The following CLGN variants were observed in gnomAD, a reference collection of about 807,000 sequenced individuals.
CLGN encodes the protein testis tissue sperm-binding protein Li 79P.
CLGN carries 62 observed loss-of-function variants against 79.1 expected under a neutral mutation model. The observed-to-expected ratio is 0.78, with a 90% CI of 0.64 to 0.97. CLGN has a LOEUF of 0.97. Ranked by LOEUF, CLGN falls within the 50% of genes least tolerant of loss-of-function variation. The pLI is 0.00. For synonymous variants in CLGN, 225 were observed against 224.7 expected, an observed-to-expected ratio of 1.00 and a Z score of -0.01; for missense variants, 647 against 715.5, an observed-to-expected ratio of 0.90 and a Z score of 1.09.
rs779886406 is a variant in CLGN at position 140,388,969 on chromosome 4, G to A, written c.*255C>T. On this transcript the variant is annotated 3_prime_UTR_variant, in exon 15 of 15. Transcript: ENST00000325617. The stretch of plus-strand genomic sequence containing the variant: ...AAACTATCTCCAAACAACTAAAACT[G>A]TGTAACTTCTAATGGTATTAATCTC... 2.5e-6 allele frequency: 1 copy of A among 403,518 alleles called. No individual in the cohort carries two copies. The highest frequency in any genetic ancestry group is 2.0e-5 in the African/African-American group (1 of 49,502). 25.0% of individuals were successfully genotyped at this position (403,518 alleles called of 1,614,324 possible). A position where few individuals can be genotyped will look rare whatever the true frequency, so the allele number is the denominator to read the frequency against.
intron 11 of CLGN, 73 bp from the exon 12 acceptor site, chr4:140,392,784 A>C (rs1285225889): frequency 3.6e-6 from 5 of 1,394,630 alleles, no homozygotes; most frequent in Non-Finnish European, 4.7e-6. Context: ...AGATACAAAA[A>C]AACTTATTTA....
chr4:140,393,819 A>G lies in CLGN; in HGVS notation c.1365+7T>C, dbSNP rs747092384. ...TATATCACTACTGCTATTGGTCAAC[A>G]CCATACCTTATTAGCATTTGCTATC... On this transcript the variant is annotated splice_region_variant and intron_variant, in intron 11 of 14. Coordinates refer to ENST00000325617, the MANE Select transcript of CLGN (RefSeq NM_004362.3). 4 of 1,612,404 alleles carry G rather than the reference A, an allele frequency of 2.5e-6. No individual in the cohort carries two copies. Among genetic ancestry groups the G allele is most frequent in the East Asian group, 2.2e-5 (1 of 44,816 alleles).
At chr4:140,422,071 TA>T (rs1035955950) in intron 1 of CLGN, among the ~76,000 whole-genome samples, 1 of 152,080 alleles carries the variant, frequency 6.6e-6, no homozygotes, top group African/African-American at 2.4e-5. Flanking sequence ...GGCACTTTTA[TA>T]AAAAAAATTT....
intron 5 of CLGN, among the ~76,000 whole-genome samples, chr4:140,404,552 T>C (rs1729062550): frequency 6.6e-6 from 1 of 152,230 alleles, no homozygotes; most frequent in South Asian, 2.1e-4. Flanking sequence ...ATTTACCCCA[T>C]TTCATTTTAT....
chr4:140,421,831 T>C (rs941749300), intron 1 of CLGN, among the ~76,000 whole-genome samples: 1 of 152,146 alleles, frequency 6.6e-6, no homozygotes, highest in African/African-American at 2.4e-5. Flanking sequence ...TTTTGTTGTC[T>C]GTGCTTTTGG....
At chr4:140,407,209 G>A (rs116418188) in intron 4 of CLGN, among the ~76,000 whole-genome samples, 2,075 of 151,900 alleles carry the variant, frequency 0.014, 18 homozygotes, top group South Asian at 0.04. Flanking sequence ...TAATGTACTT[G>A]GTTTTCTTTC....
intron 6 of CLGN, 123 bp downstream of exon 6, chr4:140,401,862 G>C: frequency 1.7e-6 from 1 of 585,630 alleles, no homozygotes; most frequent in Admixed American, 3.8e-5. Context: ...AATTCACATT[G>C]AAAAAAGATA....
intron 13 of CLGN, among the ~76,000 whole-genome samples, chr4:140,391,031 T>G (rs1728761957): frequency 6.6e-6 from 1 of 151,726 alleles, no homozygotes; most frequent in Non-Finnish European, 1.5e-5. Flanking sequence ...AATACTTCCT[T>G]TAATTTTTGG....
intron 7 of CLGN, 106 bp from the exon 8 acceptor site, chr4:140,399,146 T>TC: frequency 2.3e-6 from 2 of 852,264 alleles, no homozygotes; most frequent in South Asian, 2.6e-5. Context: ...AAAGCTTTTT[T>TC]CCCAACCAGA....
chr4:140,424,854 A>G (rs1729532502), intron 1 of CLGN, among the ~76,000 whole-genome samples: 1 of 152,230 alleles, frequency 6.6e-6, no homozygotes, highest in African/African-American at 2.4e-5. Context: ...TCAATAACAA[A>G]TTGAAGCACA....
chr4:140,392,692 A>G lies in CLGN; in HGVS notation c.1385T>C (p.Leu462Ser), dbSNP rs1244055995. ...NANKPGVLKQ[L>S]MAAAEGHPWL... The stretch of plus-strand genomic sequence containing the variant: ...TGGGTGCCCTTCAGCAGCTGCCATT[A>G]ACTGTTTTAATACACCAGGCTATAG... Residue 462 changes from leucine to serine, a missense_variant, in exon 12 of 15, where the codon TTA (leucine) becomes TCA (serine). By Grantham distance (145) the Leu-to-Ser change is moderately radical. Coordinates refer to ENST00000325617, the MANE Select transcript of CLGN (RefSeq NM_004362.3). 2 of 1,604,870 alleles carry G rather than the reference A, an allele frequency of 1.2e-6. No individual in the cohort carries two copies. The highest frequency in any genetic ancestry group is 3.5e-5 in the Admixed American group (2 of 57,612).
Position 140,392,683 on chromosome 4 carries a change from G to T in CLGN, c.1394C>A (p.Ala465Asp). Residue 465 changes from alanine to aspartate, a missense_variant, in exon 12 of 15, where the codon GCT (alanine) becomes GAT (aspartate). Coordinates refer to ENST00000325617, the MANE Select transcript of CLGN (RefSeq NM_004362.3). ...CCAAAGCCATGGGTGCCCTTCAGCAGCTGCCATTAACTGTTTTAATACACC... is the reference window on the plus strand; with the variant it reads ...CCAAAGCCATGGGTGCCCTTCAGCATCTGCCATTAACTGTTTTAATACACC... ...KPGVLKQLMAAAEGHPWLWLI... is the reference protein window; with the variant it reads ...KPGVLKQLMADAEGHPWLWLI... 1 of 1,607,764 alleles carries T rather than the reference G, an allele frequency of 6.2e-7. No homozygotes were observed. Among genetic ancestry groups the T allele is most frequent in the Non-Finnish European group, 8.5e-7 (1 of 1,177,742 alleles).
intron 12 of CLGN, 57 bp downstream of exon 12, chr4:140,392,529 C>T (rs1578898151): frequency 6.5e-7 from 1 of 1,543,452 alleles, no homozygotes; most frequent in Non-Finnish European, 8.7e-7. Context: ...ATTTATAGAA[C>T]TCTTAAACAA....
chr4:140,391,238 T>C (rs79512281), intron 13 of CLGN, among the ~76,000 whole-genome samples: 4,710 of 151,806 alleles, frequency 0.031, 237 homozygotes, highest in African/African-American at 0.11. Context: ...AGAATGGGCT[T>C]TGGGGAAAGG....
chr4:140,402,038 C>T lies in CLGN; in HGVS notation c.448G>A (p.Asp150Asn), dbSNP rs759036391. 6.3e-7 allele frequency: 1 copy of T among 1,580,620 alleles called. No individual in the cohort carries two copies. The highest frequency in any genetic ancestry group is 1.8e-5 in the Admixed American group (1 of 56,376). The change falls in exon 6 of 15, where the codon GAT (aspartate) becomes AAT (asparagine). Residue 150 changes from aspartate (D) to asparagine (N), a missense_variant. Transcript: ENST00000325617. ...QYEVNFQDGI[D>N]CGGAYIKLLA... Reference sequence around the variant, plus strand: ...AGTTTAATGTATGCACCTCCACAATCAATACCATCTTGAAAATTTACTTCA... The same window carrying T: ...AGTTTAATGTATGCACCTCCACAATTAATACCATCTTGAAAATTTACTTCA...
intron 13 of CLGN, among the ~76,000 whole-genome samples, chr4:140,391,401 CACT>C (rs913827136): frequency 6.6e-6 from 1 of 151,742 alleles, no homozygotes; most frequent in Non-Finnish European, 1.5e-5. Context: ...ATATACTAAG[CACT>C]AAGAAGTTAC....
chr4:140,407,997 A>G lies in CLGN; in HGVS notation c.277+1840T>C, dbSNP rs114443455. 9.8e-3 allele frequency among the ~76,000 whole-genome samples: 1,496 copies of G among 152,200 alleles called. 24 individuals are homozygous for G. Among genetic ancestry groups the G allele is most frequent in the African/African-American group, 0.034 (1,421 of 41,538 alleles). ...TCAGGTAGACACATAGACCACTGGAACAGAATAAAGAACCAGAAATAAAGC... is the reference window on the plus strand; with the variant it reads ...TCAGGTAGACACATAGACCACTGGAGCAGAATAAAGAACCAGAAATAAAGC... On this transcript the variant is annotated intron_variant, in intron 4 of 14. Coordinates refer to ENST00000325617, the MANE Select transcript of CLGN (RefSeq NM_004362.3).
chr4:140,412,870 G>T, intron 2 of CLGN, 65 bp downstream of exon 2: 1 of 1,319,550 alleles, frequency 7.6e-7, no homozygotes, highest in Non-Finnish European at 1.1e-6. Context: ...TGAATCACCA[G>T]AGGTCAATCA....
Position 140,392,182 on chromosome 4 carries a change from C to A in CLGN, c.1651+37G>T, listed in dbSNP as rs369035108. Reference sequence around the variant, plus strand: ...CCATATACAGTTTTATGAGCTTTACCCAGAGTCTCCATTATAAATCACTCT... The same window carrying A: ...CCATATACAGTTTTATGAGCTTTACACAGAGTCTCCATTATAAATCACTCT... On this transcript the variant is annotated intron_variant, in intron 13 of 14. Coordinates refer to ENST00000325617, the MANE Select transcript of CLGN (RefSeq NM_004362.3). The A allele has an allele frequency of 6.9e-6, 11 of 1,602,892 alleles. No individual in the cohort carries two copies. The African/African-American group carries it at 9.5e-5, about 14-fold the overall frequency.
Sources: allele counts gnomAD v4.1 joint callset (sites outside exome capture counted in the v4.1 genomes callset), GRCh38; gene constraint gnomAD v4.1.1; transcripts MANE v1.5; gene names NCBI Gene and HGNC (gene_info 2026-07-23, HGNC 2026-07-21).